The following PTCSC3 variants were observed in gnomAD, a reference collection of about 807,000 sequenced individuals.
PTCSC3 encodes the protein papillary thyroid carcinoma susceptibility candidate 3 (non-protein coding).
intron 1 of PTCSC3, among the ~76,000 whole-genome samples, chr14:36,170,552 A>G (rs140177140): frequency 2.6e-5 from 4 of 152,226 alleles, no homozygotes; most frequent in East Asian, 3.9e-4. Flanking sequence ...TCTATTCAGC[A>G]TTGTGGTGCC....
chr14:36,159,801 T>A (rs1881914000), intron 2 of PTCSC3, among the ~76,000 whole-genome samples: 2 of 152,192 alleles, frequency 1.3e-5, no homozygotes, highest in African/African-American at 4.8e-5. Context: ...ATATCCTTGT[T>A]AATATTCCTG....
chr14:36,166,281 T>C (rs1882084989), intron 1 of PTCSC3, among the ~76,000 whole-genome samples: 2 of 152,226 alleles, frequency 1.3e-5, no homozygotes, highest in South Asian at 4.1e-4. Flanking sequence ...GATGACTTTT[T>C]AATAAAATAC....
chr14:36,144,173 T>G (rs1381192084), intron 3 of PTCSC3, among the ~76,000 whole-genome samples: 1 of 151,804 alleles, frequency 6.6e-6, no homozygotes, highest in Admixed American at 6.6e-5. Context: ...AACTTTAAAG[T>G]AGTTTTTTCC....
intron 3 of PTCSC3, among the ~76,000 whole-genome samples, chr14:36,153,028 C>G (rs112883438): frequency 1.3e-5 from 2 of 152,306 alleles, no homozygotes; most frequent in African/African-American, 4.8e-5. Context: ...ACTAGTTGGT[C>G]AAACAACACA....
intron 2 of PTCSC3, among the ~76,000 whole-genome samples, chr14:36,161,903 T>C (rs1030660370): frequency 6.6e-6 from 1 of 152,218 alleles, no homozygotes; most frequent in Non-Finnish European, 1.5e-5. Flanking sequence ...AGAGATGCCC[T>C]GCCCAGAGAG....
chr14:36,166,303 C>T (rs917164301), intron 1 of PTCSC3, among the ~76,000 whole-genome samples: 19 of 152,044 alleles, frequency 1.2e-4, no homozygotes, highest in Non-Finnish European at 2.4e-4. Context: ...CTACAGAGAA[C>T]GTAAGGACGA....
intron 2 of PTCSC3, among the ~76,000 whole-genome samples, chr14:36,162,050 C>T (rs992108281): frequency 6.6e-6 from 1 of 152,034 alleles, no homozygotes; most frequent in African/African-American, 2.4e-5. Context: ...ATGGCAGATG[C>T]CCCTCCCCTC....
At chr14:36,147,851 C>CCTTT (rs1881618658) in intron 3 of PTCSC3, among the ~76,000 whole-genome samples, 2 of 151,978 alleles carry the variant, frequency 1.3e-5, no homozygotes, top group Admixed American at 6.5e-5. Flanking sequence ...GTGTGGAAGT[C>CCTTT]CTTTCTGTTT....
At chr14:36,160,934 TTTTC>T (rs774133297) in intron 2 of PTCSC3, among the ~76,000 whole-genome samples, 1 of 152,216 alleles carries the variant, frequency 6.6e-6, no homozygotes, top group Non-Finnish European at 1.5e-5. Context: ...TTTTATTCTT[TTTTC>T]TTTAATTTTG....
intron 2 of PTCSC3, among the ~76,000 whole-genome samples, chr14:36,158,667 G>T (rs561335546): frequency 2.6e-5 from 4 of 152,316 alleles, no homozygotes; most frequent in South Asian, 4.1e-4. Context: ...GTGTTTTACT[G>T]AGGATTTTCA....
intron 2 of PTCSC3, among the ~76,000 whole-genome samples, chr14:36,158,179 T>C (rs1250760086): frequency 6.6e-6 from 1 of 152,208 alleles, no homozygotes; most frequent in African/African-American, 2.4e-5. Context: ...TTTCTAAATA[T>C]ACAATCATGT....
chr14:36,169,088 A>G (rs1224922557), intron 1 of PTCSC3, among the ~76,000 whole-genome samples: 1 of 152,144 alleles, frequency 6.6e-6, no homozygotes, highest in Non-Finnish European at 1.5e-5. Context: ...AAATCCCATA[A>G]CTGGGTTAGT....
chr14:36,135,100 G>A (rs904580780), downstream of PTCSC3, among the ~76,000 whole-genome samples: 1 of 152,082 alleles, frequency 6.6e-6, no homozygotes, highest in Admixed American at 6.6e-5. Flanking sequence ...TAGACAACTA[G>A]GAACAACTTG....
chr14:36,165,251 A>G (rs555346546), intron 1 of PTCSC3: 18 of 152,342 alleles, frequency 1.2e-4, no homozygotes, highest in African/African-American at 4.1e-4. Flanking sequence ...TGATGAAAAG[A>G]CATTAGAGGA....
rs767040235 is a variant in PTCSC3 at position 36,163,818 on chromosome 14, A to G, written n.172-1135T>C. On this transcript the variant is annotated intron_variant and non_coding_transcript_variant, in intron 1 of 3. Coordinates refer to ENST00000556013, the Ensembl canonical transcript of PTCSC3. ...TTTATACTTTGTCAGTGGATTTCCA[A>G]TCAATTATCATCTAATGCAAAAATA... Among the ~76,000 whole-genome samples, 14 of 152,324 alleles carry G rather than the reference A, an allele frequency of 9.2e-5. No homozygotes were observed. The Middle Eastern group carries it at 0.01, about 111-fold the overall frequency.
At chr14:36,137,922 G>A (rs1017671087) in intron 3 of PTCSC3, among the ~76,000 whole-genome samples, 5 of 152,188 alleles carry the variant, frequency 3.3e-5, no homozygotes, top group Non-Finnish European at 5.9e-5. Flanking sequence ...AAATGCATTT[G>A]AGAATTATCT....
chr14:36,146,017 G>T (rs1422834116), intron 3 of PTCSC3, among the ~76,000 whole-genome samples: 1 of 151,988 alleles, frequency 6.6e-6, no homozygotes, highest in Non-Finnish European at 1.5e-5. Flanking sequence ...TTGCACTGTG[G>T]TCTGAGAGAT....
intron 2 of PTCSC3, among the ~76,000 whole-genome samples, chr14:36,158,451 T>A (rs1372185175): frequency 6.6e-6 from 1 of 151,924 alleles, no homozygotes; most frequent in Non-Finnish European, 1.5e-5. Context: ...TCATTGAGAG[T>A]TTTTAGCATG....
chr14:36,135,422 C>G (rs150933630), downstream of PTCSC3, among the ~76,000 whole-genome samples: 18 of 152,250 alleles, frequency 1.2e-4, no homozygotes, highest in African/African-American at 4.1e-4. Flanking sequence ...TGTTGAGTGG[C>G]CTTAGGCAAG....
Sources: gnomAD v4.1 joint callset for allele counts (sites outside exome capture counted in the v4.1 genomes callset) on GRCh38, gnomAD v4.1.1 for gene constraint, MANE v1.5 for transcripts, NCBI Gene and HGNC (gene_info 2026-07-23, HGNC 2026-07-21) for gene names.